Variants in USP7 observed in about 807,000 individuals in gnomAD.
USP7 encodes ubiquitin C-terminal hydrolase 7.
A neutral mutation model predicts 162.9 loss-of-function variants in USP7; 9 were observed. That is an observed-to-expected ratio of 0.06 (90% CI 0.03 to 0.10). The LOEUF is 0.10. Among genes scored for constraint, USP7 ranks in the 10% least tolerant of loss-of-function variants. USP7 has a pLI of 1.00. For missense variants in USP7, 715 were observed against 1,373.7 expected (o/e 0.52, Z 7.58); for synonymous variants, 562 against 475.9 (o/e 1.18, Z -2.35).
intron 16 of USP7, 81 bp downstream of exon 16, chr16:8,903,187 C>T: frequency 6.5e-7 from 1 of 1,539,822 alleles, no homozygotes; most frequent in Non-Finnish European, 8.8e-7. Flanking sequence ...CCCCCAAAGG[C>T]AATCAGTATT....
At chr16:8,916,827 T>C (rs192890384) in intron 7 of USP7, among the ~76,000 whole-genome samples, 199 bp downstream of exon 7, 1 of 152,230 alleles carries the variant, frequency 6.6e-6, no homozygotes, top group Non-Finnish European at 1.5e-5. Context: ...TCAAGCAAAA[T>C]TCTACAACAA....
At chr16:8,947,637 T>TTGG (rs1899350831) in intron 1 of USP7, among the ~76,000 whole-genome samples, 1 of 83,474 alleles carries the variant, frequency 1.2e-5, no homozygotes, top group South Asian at 3.2e-4. Context: ...TGTGCGCTTA[T>TTGG]TTTTCAATCA....
intron 1 of USP7, among the ~76,000 whole-genome samples, chr16:8,960,004 C>G (rs1350054526): frequency 1.3e-5 from 2 of 152,208 alleles, no homozygotes; most frequent in Admixed American, 1.3e-4. Flanking sequence ...AGTTTGTATG[C>G]AGAAGCAAGG....
intron 11 of USP7, among the ~76,000 whole-genome samples, chr16:8,908,705 C>G (rs1347721319): frequency 2.0e-5 from 3 of 152,196 alleles, no homozygotes; most frequent in African/African-American, 4.8e-5. Flanking sequence ...TATTCTAACT[C>G]GATGCCCAGC....
chr16:8,929,081 G>C (rs759156854), intron 2 of USP7, among the ~76,000 whole-genome samples: 3 of 152,084 alleles, frequency 2.0e-5, no homozygotes, highest in Non-Finnish European at 4.4e-5. Flanking sequence ...GGAAATGTTG[G>C]AACAGATTGC....
chr16:8,896,928 G>T (rs368745630), intron 26 of USP7, 71 bp downstream of exon 26: 3 of 1,171,394 alleles, frequency 2.6e-6, no homozygotes, highest in South Asian at 2.5e-5. Flanking sequence ...TTCCACCAAC[G>T]CAACTGCAGA....
Position 8,899,700 on chromosome 16 carries a change from A to G in USP7, c.2367T>C (p.Asp789=). The G allele has an allele frequency of 5.0e-6, 8 of 1,614,222 alleles. No homozygotes were observed. Among genetic ancestry groups the G allele is most frequent in the Non-Finnish European group, 6.8e-6 (8 of 1,180,038 alleles). The change falls in exon 22 of 31, where the codon GAT becomes GAC. Residue 789 remains aspartate, a synonymous_variant. Transcript: ENST00000344836. ...AAATGACATCAACGCGGTGGTAGAG[A>G]TCTCGGAAATACTCCTTTGCGGTGG... The part of the protein sequence containing the change: ...ELPTAKEYFR[D]LYHRVDVIFC...
chr16:8,906,282 G>A, intron 13 of USP7, 144 bp downstream of exon 13: 1 of 898,806 alleles, frequency 1.1e-6, no homozygotes, highest in Admixed American at 3.0e-5. Context: ...AAATGGATGG[G>A]AAAACAGCAT....
intron 1 of USP7, among the ~76,000 whole-genome samples, chr16:8,947,813 T>C (rs1462950227): frequency 6.6e-6 from 1 of 152,242 alleles, no homozygotes; most frequent in East Asian, 1.9e-4. Flanking sequence ...GTTTGTGCCA[T>C]GCTGCCTCAG....
At chr16:8,922,501 G>C (rs559635484) in intron 3 of USP7, among the ~76,000 whole-genome samples, 115 of 152,206 alleles carry the variant, frequency 7.6e-4, no homozygotes, top group Non-Finnish European at 1.6e-4. Context: ...ATTCCCTGGG[G>C]GATCTGACAG....
rs1450190791 is a variant in USP7, at chr16:8,963,713, G to C, written c.-428C>G. Among the ~76,000 whole-genome samples the C allele has an allele frequency of 7.0e-6, 1 of 143,068 alleles. No individual in the cohort carries two copies. The highest frequency in any genetic ancestry group is 1.5e-5 in the Non-Finnish European group (1 of 64,722). The allele number at this position is 143,068 out of a possible 152,430, so 93.9% of individuals were successfully genotyped here. On this transcript the variant is annotated 5_prime_UTR_variant, in exon 1 of 31. Coordinates refer to ENST00000344836, the MANE Select transcript of USP7 (RefSeq NM_003470.3). ...CTCGGGCCGGGCGCGGCGGACGGGA[G>C]GCCTGGCCGGCCGCGGCGGGCCTGC...
At position 8,905,269 on chromosome 16, in the gene USP7, A is replaced by G. The variant is rs763347129; in HGVS notation, c.1491T>C (p.Asn497=). ...ACAGGTCGTCATCGTGACCCCCATA[A>G]TTGTGCTCAATTGCTTCCTCTTTAG... ...RCTKEEAIEH[N]YGGHDDDLSV... Residue 497 remains asparagine (N), a synonymous_variant, in exon 14 of 31, where the codon AAT becomes AAC. Coordinates refer to ENST00000344836, the MANE Select transcript of USP7 (RefSeq NM_003470.3). 6.8e-6 allele frequency: 11 copies of G among 1,614,154 alleles called. No individual in the cohort carries two copies. Among genetic ancestry groups the G allele is most frequent in the East Asian group, 2.2e-5 (1 of 44,890 alleles).
intron 1 of USP7, chr16:8,962,994 TG>T (rs1228447761): frequency 3.8e-6 from 1 of 263,244 alleles, no homozygotes; most frequent in Non-Finnish European, 6.8e-6. Context: ...GTCGGGACAA[TG>T]CACGGGGCCG....
chr16:8,920,655 G>T (rs1897635327), intron 4 of USP7, among the ~76,000 whole-genome samples: 1 of 152,126 alleles, frequency 6.6e-6, no homozygotes, highest in Non-Finnish European at 1.5e-5. Flanking sequence ...GCACCTCAGA[G>T]GTATCCCAGA....
intron 1 of USP7, among the ~76,000 whole-genome samples, chr16:8,933,385 T>C (rs1898486185): frequency 6.6e-6 from 1 of 152,086 alleles, no homozygotes; most frequent in East Asian, 1.9e-4. Flanking sequence ...CCAACTCTAT[T>C]AAAAACAAAA....
At chr16:8,923,616 T>C (rs1166096192) in intron 2 of USP7, among the ~76,000 whole-genome samples, 6 of 152,204 alleles carry the variant, frequency 3.9e-5, no homozygotes, top group Admixed American at 6.5e-5. Context: ...CCTTATGAAG[T>C]CCAAAACTCA....
chr16:8,960,488 C>CA (rs1899967527), intron 1 of USP7, among the ~76,000 whole-genome samples: 1 of 152,206 alleles, frequency 6.6e-6, no homozygotes. Flanking sequence ...TTGATAGAGA[C>CA]AAAACAAACG....
intron 1 of USP7, chr16:8,936,724 T>C: frequency 2.8e-6 from 4 of 1,409,726 alleles, no homozygotes; most frequent in South Asian, 1.5e-5. Context: ...TTCTTTTTTA[T>C]TTTTTAAAGC....
At chr16:8,907,056 T>TAG (rs1188675203) in intron 12 of USP7, among the ~76,000 whole-genome samples, 2 of 152,192 alleles carry the variant, frequency 1.3e-5, no homozygotes, top group African/African-American at 4.8e-5. Context: ...GAAGGCAAGT[T>TAG]AGACGGGTGG....
Sources: gnomAD v4.1 joint callset for allele counts (sites outside exome capture counted in the v4.1 genomes callset) on GRCh38, gnomAD v4.1.1 for gene constraint, MANE v1.5 for transcripts, NCBI Gene and HGNC (gene_info 2026-07-23, HGNC 2026-07-21) for gene names.